MYH7B: variants seen among roughly 807,000 people sequenced by gnomAD.
The protein encoded by MYH7B is myosin heavy chain 7B.
A neutral mutation model predicts 234.5 loss-of-function variants in MYH7B; 205 were observed. That is an observed-to-expected ratio of 0.87 (90% CI 0.78 to 0.98). The LOEUF (loss-of-function observed/expected upper bound fraction) is 0.98, where lower values mean the gene tolerates loss of function less well. MYH7B is among the 50% of genes least tolerant of loss of function. MYH7B has a pLI of 0.00. For missense variants in MYH7B, 2,652 were observed against 2,633.4 expected, an observed-to-expected ratio of 1.01 and a Z score of -0.15; for synonymous variants, 1,193 against 1,105.0, an observed-to-expected ratio of 1.08 and a Z score of -1.58.
Position 34,999,790 on chromosome 20 carries a change from G to C in MYH7B, c.4666-1G>C. On this transcript the variant is annotated splice_acceptor_variant, in intron 37 of 44. Transcript: ENST00000262873. LOFTEE classifies it high-confidence loss of function. ...CTACCCTGCCTGCTCTGTATCCACAGGGGGCCCTGGAGCTGGAGGAGACCA... is the reference window on the plus strand; with the variant it reads ...CTACCCTGCCTGCTCTGTATCCACACGGGGCCCTGGAGCTGGAGGAGACCA... 6.3e-7 allele frequency: 1 copy of C among 1,595,072 alleles called. No homozygotes were observed. Among genetic ancestry groups the C allele is most frequent in the Non-Finnish European group, 8.5e-7 (1 of 1,174,558 alleles).
intron 24 of MYH7B, 151 bp from the exon 25 acceptor site, chr20:34,992,951 C>T (rs1386713881): frequency 1.1e-6 from 1 of 937,052 alleles, no homozygotes; most frequent in Non-Finnish European, 1.6e-6. Flanking sequence ...TGGCATGTGC[C>T]CTGCTGGAAC....
chr20:34,999,546 C>G, intron 36 of MYH7B, 25 bp from the exon 37 acceptor site: 3 of 1,571,880 alleles, frequency 1.9e-6, no homozygotes, highest in Non-Finnish European at 2.6e-6. Flanking sequence ...ATGGGGGTGG[C>G]CTCTCAGCAC....
chr20:35,001,205 CA>C (rs1214423346), intron 41 of MYH7B, 39 bp from the exon 42 acceptor site: 20 of 1,605,860 alleles, frequency 1.2e-5, no homozygotes, highest in Non-Finnish European at 1.6e-5. Flanking sequence ...GTGGGTGACC[CA>C]GGGGTGGGCT....
Position 34,982,624 on chromosome 20 carries a change from T to C in MYH7B, c.624+69T>C, listed in dbSNP as rs1404770325. 9 of 1,151,938 alleles carry C rather than the reference T, an allele frequency of 7.8e-6. No homozygotes were observed. The East Asian group carries it at 8.5e-5, about 11-fold the overall frequency. 71.4% of individuals were successfully genotyped at this position (1,151,938 alleles called of 1,614,324 possible). ...GTTTTTCTTTTCTTTCTTCCTCTCT[T>C]TTTTTTTTTTCCCCCTTTTTAAAAA... On this transcript the variant is annotated intron_variant, in intron 10 of 44. Coordinates refer to ENST00000262873, the Ensembl canonical transcript of MYH7B.
intron 27 of MYH7B, among the ~76,000 whole-genome samples, chr20:34,994,940 G>T (rs138979995): frequency 2.0e-5 from 3 of 152,370 alleles, no homozygotes; most frequent in Non-Finnish European, 4.4e-5. Flanking sequence ...CAGCTGGACA[G>T]TAAGGAAATG....
exon 14 of MYH7B, chr20:34,986,144 C>A (rs142381066): frequency 6.3e-7 from 1 of 1,598,706 alleles, no homozygotes; most frequent in South Asian, 1.1e-5. Flanking sequence ...GCCTGGTGAG[C>A]GCAGCTACCA....
exon 32 of MYH7B, chr20:34,997,508 G>A (rs369571310): frequency 6.3e-7 from 1 of 1,589,122 alleles, no homozygotes; most frequent in South Asian, 1.1e-5. Flanking sequence ...AGCAGGCGGA[G>A]GGCGCGGCGG....
intron 32 of MYH7B, 69 bp downstream of exon 32, chr20:34,997,709 T>G (rs2082290860): frequency 6.4e-7 from 1 of 1,571,200 alleles, no homozygotes; most frequent in African/African-American, 1.4e-5. Flanking sequence ...CAGCCAATAC[T>G]GTTCCCACAC....
In MYH7B at chr20:34,964,269, A is replaced by G. The variant is rs1201605719; in HGVS notation, c.-222+6057A>G. Among the ~76,000 whole-genome samples, 4 of 151,978 alleles carry G rather than the reference A, an allele frequency of 2.6e-5. No homozygotes were observed. In the East Asian group the frequency reaches 5.8e-4, roughly 22 times the overall value. On this transcript the variant is annotated intron_variant, in intron 2 of 44. Transcript: ENST00000262873. Reference sequence around the variant, plus strand: ...GCTTTTGTCAGTCTAGTGATGTGAAACGGTGTCTCGTTGTGATTTTCCAGA... The same window carrying G: ...GCTTTTGTCAGTCTAGTGATGTGAAGCGGTGTCTCGTTGTGATTTTCCAGA...
At chr20:34,978,259 A>T (rs990255072) in intron 5 of MYH7B, among the ~76,000 whole-genome samples, 163 bp downstream of exon 5, 1 of 152,046 alleles carries the variant, frequency 6.6e-6, no homozygotes, top group African/African-American at 2.4e-5. Context: ...TGGAAATTAA[A>T]ACCCCAGGGA....
At chr20:34,988,806 C>CCTTTTTTTTTTT (rs1569046104) in intron 19 of MYH7B, among the ~76,000 whole-genome samples, 1 of 113,234 alleles carries the variant, frequency 8.8e-6, no homozygotes. Flanking sequence ...TCCTTTATCC[C>CCTTTTTTTTTTT]TTTTTTTTTT....
chr20:34,985,123 G>A (rs2081997689), exon 13 of MYH7B: 1 of 1,614,080 alleles, frequency 6.2e-7, no homozygotes, highest in Admixed American at 1.7e-5. Context: ...CGCGGATATT[G>A]ACAGCTGTGA....
At chr20:34,985,565 C>T (rs1292052227) in intron 13 of MYH7B, among the ~76,000 whole-genome samples, 1 of 102,764 alleles carries the variant, frequency 9.7e-6, no homozygotes, top group Non-Finnish European at 1.9e-5. Flanking sequence ...CCAGGCACCC[C>T]GCTGGGAAGT....
In MYH7B at chr20:34,978,243, G is replaced by A. The variant is rs529500352; in HGVS notation, c.91+147G>A. The A allele has an allele frequency of 9.1e-5, 83 of 909,498 alleles. No homozygotes were observed. In the African/African-American group the frequency reaches 1.4e-3, roughly 15 times the overall value. The allele number at this position is 909,498 out of a possible 1,614,324, so 56.3% of individuals were successfully genotyped here. On this transcript the variant is annotated intron_variant, in intron 5 of 44. Coordinates refer to ENST00000262873, the Ensembl canonical transcript of MYH7B. ...GCCCTGGACCTTTCCTGCAGAGTCTGGGGCCTGGAAATTAAAACCCCAGGG... is the reference window on the plus strand; with the variant it reads ...GCCCTGGACCTTTCCTGCAGAGTCTAGGGCCTGGAAATTAAAACCCCAGGG...
At chr20:34,957,691 T>C (rs1356296279) in intron 1 of MYH7B, among the ~76,000 whole-genome samples, 1 of 152,106 alleles carries the variant, frequency 6.6e-6, no homozygotes, top group Non-Finnish European at 1.5e-5. Context: ...GGTTTCACCA[T>C]GTTGGCCAGA....
chr20:34,956,272 C>T (rs3761144), intron 1 of MYH7B, among the ~76,000 whole-genome samples: 1 of 151,884 alleles, frequency 6.6e-6, no homozygotes, highest in African/African-American at 2.4e-5. Flanking sequence ...ACCTGGGATA[C>T]CAGCAGGGAA....
At chr20:34,982,600 TTTTTC>T (rs1169945726) in intron 10 of MYH7B, 45 bp downstream of exon 10, 13 of 1,447,940 alleles carry the variant, frequency 9.0e-6, no homozygotes, top group Non-Finnish European at 1.2e-5. Context: ...CTTCTCGCTG[TTTTTC>T]TTTTCTTTCT....
exon 12 of MYH7B, chr20:34,984,860 C>T: frequency 6.2e-7 from 1 of 1,613,984 alleles, no homozygotes. Context: ...CCAGGGCACC[C>T]TTGAGGATCA....
chr20:34,987,765 G>A lies in MYH7B; in HGVS notation c.1267G>A (p.Val423Met), dbSNP rs1382857022. ...CAGCCCAGCCTCCCTGCACCTCCAG[G>A]TGGTGTTTGCTGTGGGGGCTCTGGC... is the stretch of plus-strand genomic sequence containing the variant. Residue 423 changes from valine (V) to methionine (M), a missense_variant and splice_region_variant, in exon 18 of 45, where the codon GTG becomes ATG. Coordinates refer to ENST00000262873, the Ensembl canonical transcript of MYH7B. The A allele has an allele frequency of 3.1e-6, 5 of 1,614,194 alleles. No homozygotes were observed. The Admixed American group carries it at 8.3e-5, about 27-fold the overall frequency.
Sources: gnomAD v4.1 joint callset for allele counts (sites outside exome capture counted in the v4.1 genomes callset) on GRCh38, gnomAD v4.1.1 for gene constraint, MANE v1.5 for transcripts, NCBI Gene and HGNC (gene_info 2026-07-23, HGNC 2026-07-21) for gene names.